Variants in ROCK1 observed in about 807,000 individuals in gnomAD.
ROCK1 encodes Rho associated coiled-coil containing protein kinase 1, also known as rho-associated protein kinase 1.
ROCK1 carries 36 observed loss-of-function variants against 196.8 expected under a neutral mutation model. That is an observed-to-expected ratio of 0.18 (90% CI 0.14 to 0.24). The LOEUF (loss-of-function observed/expected upper bound fraction) is 0.24, where lower values mean the gene tolerates loss of function less well. Among genes scored for constraint, ROCK1 ranks in the 10% least tolerant of loss-of-function variants. The pLI, the probability that ROCK1 is intolerant of heterozygous loss-of-function variation, is 1.00. For synonymous variants in ROCK1, 443 were observed against 515.9 expected, an observed-to-expected ratio of 0.86 and a Z score of 1.91; for missense variants, 920 against 1,562.0, an observed-to-expected ratio of 0.59 and a Z score of 6.93.
rs570644274 is a variant in ROCK1 at position 21,027,073 on chromosome 18, G to A, written c.1211+1703C>T. ...CCTGCCTCAGTCTCCCAAGTAGCTG[G>A]GATTACAGGCATACGCCACGACACC... On this transcript the variant is annotated intron_variant, in intron 10 of 32. Coordinates refer to ENST00000399799, the MANE Select transcript of ROCK1 (RefSeq NM_005406.3). Among the ~76,000 whole-genome samples the A allele has an allele frequency of 1.4e-4, 21 of 151,862 alleles. No individual in the cohort carries two copies. The East Asian group carries it at 4.1e-3, about 30-fold the overall frequency.
At chr18:20,994,766 T>C (rs1374678491) in intron 16 of ROCK1, among the ~76,000 whole-genome samples, 1 of 152,152 alleles carries the variant, frequency 6.6e-6, no homozygotes, top group Non-Finnish European at 1.5e-5. Context: ...ATTTTCCTCA[T>C]TTACTCTGTC....
At position 20,955,703 on chromosome 18, in the gene ROCK1, G is replaced by A. The variant is rs2035235310; in HGVS notation, c.3513-458C>T. ...CTTTATTCATAATAACCAAAACCTAGAAACAACCCAAATAAATGGGTAAGC... is the reference window on the plus strand; with the variant it reads ...CTTTATTCATAATAACCAAAACCTAAAAACAACCCAAATAAATGGGTAAGC... On this transcript the variant is annotated intron_variant, in intron 29 of 32. Transcript: ENST00000399799. Among the ~76,000 whole-genome samples, 6 of 147,252 alleles carry A rather than the reference G, an allele frequency of 4.1e-5. No homozygotes were observed. The Admixed American group carries it at 4.1e-4, about 10-fold the overall frequency.
At chr18:21,024,543 T>C (rs572028658) in intron 10 of ROCK1, among the ~76,000 whole-genome samples, 8 of 152,318 alleles carry the variant, frequency 5.3e-5, no homozygotes, top group South Asian at 4.1e-4. Context: ...AGTAGAGCTA[T>C]TGCAAAAGGA....
intron 5 of ROCK1, 96 bp downstream of exon 5, chr18:21,045,196 G>A: frequency 8.8e-7 from 1 of 1,132,310 alleles, no homozygotes; most frequent in South Asian, 1.6e-5. Flanking sequence ...ATGTCATACG[G>A]AAGAAGAATG....
intron 9 of ROCK1, among the ~76,000 whole-genome samples, chr18:21,032,942 A>C (rs2036022474): frequency 6.6e-6 from 1 of 152,076 alleles, no homozygotes; most frequent in African/African-American, 2.4e-5. Flanking sequence ...CACACCTGTA[A>C]CCCTAGCACT....
At chr18:21,054,063 T>C (rs1321436610) in intron 2 of ROCK1, among the ~76,000 whole-genome samples, 4 of 152,176 alleles carry the variant, frequency 2.6e-5, no homozygotes, top group Admixed American at 6.6e-5. Context: ...TTAGGTGTTG[T>C]AGAACAAAAG....
chr18:21,016,634 C>G (rs2035865176), intron 12 of ROCK1, among the ~76,000 whole-genome samples: 2 of 152,082 alleles, frequency 1.3e-5, no homozygotes, highest in South Asian at 4.2e-4. Context: ...CTTACTGCCT[C>G]TGTTCCACAC....
intron 21 of ROCK1, among the ~76,000 whole-genome samples, chr18:20,980,721 C>G (rs531408388): frequency 2.0e-5 from 3 of 151,694 alleles, no homozygotes; most frequent in African/African-American, 4.8e-5. Flanking sequence ...TTGAGAGCAT[C>G]CTGGCTAACA....
intron 31 of ROCK1, among the ~76,000 whole-genome samples, chr18:20,954,547 G>A (rs1438888854): frequency 1.3e-5 from 2 of 152,260 alleles, no homozygotes; most frequent in African/African-American, 4.8e-5. Flanking sequence ...CTGCACTCCA[G>A]CCTGGGCGAG....
At chr18:21,069,097 T>C (rs1322207093) in intron 2 of ROCK1, among the ~76,000 whole-genome samples, 1 of 152,156 alleles carries the variant, frequency 6.6e-6, no homozygotes, top group Non-Finnish European at 1.5e-5. Flanking sequence ...GTAGGTTTCT[T>C]GTAGATTCCC....
intron 2 of ROCK1, among the ~76,000 whole-genome samples, chr18:21,052,182 T>C (rs895693669): frequency 6.6e-6 from 1 of 152,248 alleles, no homozygotes; most frequent in Non-Finnish European, 1.5e-5. Context: ...CTTGTTCTAA[T>C]ACAGGTTTAC....
intron 1 of ROCK1, among the ~76,000 whole-genome samples, chr18:21,089,708 A>G (rs905284470): frequency 6.6e-6 from 1 of 152,216 alleles, no homozygotes; most frequent in Admixed American, 6.5e-5. Flanking sequence ...GTTGTGCAAA[A>G]TCATCTAACA....
rs1043294204 is a variant in ROCK1 at position 21,017,514 on chromosome 18, ACTT to A, written c.1362-2038_1362-2036del. On this transcript the variant is annotated intron_variant, in intron 12 of 32. Coordinates refer to ENST00000399799, the MANE Select transcript of ROCK1 (RefSeq NM_005406.3). ...CTACCACACTTCTTGATAATTACTT[ACTT>A]GTTTTTCTTGCTAAATTACAAGCTC... 3.9e-5 allele frequency among the ~76,000 whole-genome samples: 6 copies of A among 151,976 alleles called. No individual in the cohort carries two copies. The East Asian group carries it at 9.7e-4, about 25-fold the overall frequency.
Position 20,991,346 on chromosome 18 carries a change from G to A in ROCK1, c.1993-20C>T, listed in dbSNP as rs1315705733. 6.5e-7 allele frequency: 1 copy of A among 1,548,882 alleles called. No individual in the cohort carries two copies. The highest frequency in any genetic ancestry group is 1.2e-5 in the South Asian group (1 of 85,478). ...CTTTTCCTGTAAAATGGGAGTAGGA[G>A]TCATGTAATAAACTGTGCAGAAGGC... On this transcript the variant is annotated intron_variant, in intron 17 of 32. Transcript: ENST00000399799.
At chr18:21,101,184 G>A (rs1350042408) in intron 1 of ROCK1, among the ~76,000 whole-genome samples, 1 of 152,090 alleles carries the variant, frequency 6.6e-6, no homozygotes, top group Non-Finnish European at 1.5e-5. Context: ...TCTTAACAGA[G>A]GAATTACAGT....
intron 16 of ROCK1, among the ~76,000 whole-genome samples, chr18:20,997,127 C>T (rs575021855): frequency 6.6e-6 from 1 of 151,996 alleles, no homozygotes; most frequent in Non-Finnish European, 1.5e-5. Flanking sequence ...TGCAGATGAA[C>T]TAAACTGCCC....
chr18:21,008,302 CACTT>C, intron 13 of ROCK1, 108 bp from the exon 14 acceptor site: 1 of 773,564 alleles, frequency 1.3e-6, no homozygotes, highest in Non-Finnish European at 2.0e-6. Context: ...AAAAGACAAA[CACTT>C]AAGATGAATG....
chr18:21,052,899 A>T (rs1490062852), intron 2 of ROCK1, among the ~76,000 whole-genome samples: 1 of 152,176 alleles, frequency 6.6e-6, no homozygotes, highest in Admixed American at 6.5e-5. Flanking sequence ...TAATAAGTAC[A>T]TAAATAAATA....
chr18:21,027,087 C>T (rs1415356221), intron 10 of ROCK1, among the ~76,000 whole-genome samples: 4 of 151,914 alleles, frequency 2.6e-5, no homozygotes, highest in African/African-American at 7.3e-5. Context: ...TACAGGCATA[C>T]GCCACGACAC....
Sources: allele counts gnomAD v4.1 joint callset (sites outside exome capture counted in the v4.1 genomes callset), GRCh38; gene constraint gnomAD v4.1.1; transcripts MANE v1.5; gene names NCBI Gene and HGNC (gene_info 2026-07-23, HGNC 2026-07-21).